The following CDH22 variants were observed in gnomAD, a reference collection of about 807,000 sequenced individuals.
The protein encoded by CDH22 is cadherin 22.
A neutral mutation model predicts 58.4 loss-of-function variants in CDH22; 30 were observed. The observed-to-expected ratio is 0.51, with a 90% CI of 0.38 to 0.70. The LOEUF is 0.70. CDH22 is among the 30% of genes least tolerant of loss of function. CDH22 has a pLI of 0.00. For missense variants in CDH22, 1,014 were observed against 1,233.9 expected (o/e 0.82, Z 2.67); for synonymous variants, 513 against 558.2 (o/e 0.92, Z 1.14).
chr20:46,180,041 G>A (rs1319602238), intron 10 of CDH22, among the ~76,000 whole-genome samples: 4 of 151,808 alleles, frequency 2.6e-5, no homozygotes, highest in Non-Finnish European at 5.9e-5. Flanking sequence ...ATGGCTCCCC[G>A]CTCCCTGCTC....
intron 1 of CDH22, among the ~76,000 whole-genome samples, chr20:46,270,179 G>A (rs1359030975): frequency 2.0e-5 from 3 of 152,194 alleles, no homozygotes; most frequent in Non-Finnish European, 4.4e-5. Context: ...TAGCCAGCCC[G>A]AGCACCTTGC....
intron 1 of CDH22, among the ~76,000 whole-genome samples, chr20:46,305,421 C>A (rs1463922427): frequency 6.6e-6 from 1 of 152,182 alleles, no homozygotes; most frequent in African/African-American, 2.4e-5. Context: ...TCTCTCTGAG[C>A]CTGACCTGAG....
chr20:46,236,827 G>T (rs1600710682), intron 3 of CDH22, among the ~76,000 whole-genome samples: 1 of 151,660 alleles, frequency 6.6e-6, no homozygotes, highest in Admixed American at 6.6e-5. Flanking sequence ...GAGTAGCTGG[G>T]ACTACAGGTG....
intron 3 of CDH22, among the ~76,000 whole-genome samples, chr20:46,239,636 C>T (rs960525260): frequency 1.3e-5 from 2 of 152,264 alleles, no homozygotes; most frequent in African/African-American, 2.4e-5. Flanking sequence ...AGAGGTACAG[C>T]ATCCAACTTT....
At chr20:46,277,179 C>T (rs1307099119) in intron 1 of CDH22, among the ~76,000 whole-genome samples, 8 of 152,004 alleles carry the variant, frequency 5.3e-5, no homozygotes, top group East Asian at 1.9e-4. Context: ...AGGACAGCCC[C>T]GAGATTTAAG....
chr20:46,245,982 C>T (rs1368230826), intron 2 of CDH22, among the ~76,000 whole-genome samples: 1 of 152,146 alleles, frequency 6.6e-6, no homozygotes, highest in African/African-American at 2.4e-5. Flanking sequence ...TCAAGTGTGG[C>T]CAGCCCTGGA....
At chr20:46,292,816 A>G (rs1279619634) in intron 1 of CDH22, among the ~76,000 whole-genome samples, 1 of 152,028 alleles carries the variant, frequency 6.6e-6, no homozygotes, top group Non-Finnish European at 1.5e-5. Context: ...ACTGAGCCCA[A>G]GTCATTTGCT....
chr20:46,233,981 C>T lies in CDH22; in HGVS notation c.551-6354G>A, dbSNP rs139932956. 3.1e-3 allele frequency among the ~76,000 whole-genome samples: 475 copies of T among 152,360 alleles called. 7 individuals are homozygous for T. The highest frequency in any genetic ancestry group is 0.027 in the Admixed American group (409 of 15,312). On this transcript the variant is annotated intron_variant, in intron 3 of 11. Coordinates refer to ENST00000537909, the MANE Select transcript of CDH22 (RefSeq NM_021248.3). ...GAGCTACACTCTCTCCAGCTACAGA[C>T]GGGACAATTGGAGGCTCCCAGCCTG...
At chr20:46,258,112 C>G (rs1046902114) in intron 1 of CDH22, among the ~76,000 whole-genome samples, 1 of 152,066 alleles carries the variant, frequency 6.6e-6, no homozygotes, top group African/African-American at 2.4e-5. Flanking sequence ...TTTGACTTGA[C>G]CATTGGAGTT....
At chr20:46,176,769 T>C (rs1166143504) in intron 11 of CDH22, among the ~76,000 whole-genome samples, 1 of 152,128 alleles carries the variant, frequency 6.6e-6, no homozygotes, top group African/African-American at 2.4e-5. Context: ...GTGGGAAAGA[T>C]GGATGGATGG....
intron 8 of CDH22, among the ~76,000 whole-genome samples, chr20:46,196,695 G>GC (rs1212010805): frequency 6.6e-6 from 1 of 152,154 alleles, no homozygotes; most frequent in Non-Finnish European, 1.5e-5. Flanking sequence ...ACTTCGCCTT[G>GC]CTGAGTCAGG....
At chr20:46,226,320 C>G (rs1210340432) in intron 4 of CDH22, among the ~76,000 whole-genome samples, 1 of 139,036 alleles carries the variant, frequency 7.2e-6, no homozygotes, top group Non-Finnish European at 1.5e-5. Context: ...GGGTCTTGCT[C>G]TGTTGCTCAG....
rs149170214 is a variant in CDH22, at chr20:46,266,735, C to T, written c.-399-15042G>A. 8.9e-3 allele frequency among the ~76,000 whole-genome samples: 1,349 copies of T among 152,280 alleles called. 8 individuals carry two copies. Among genetic ancestry groups the T allele is most frequent in the Admixed American group, 0.016 (251 of 15,294 alleles). On this transcript the variant is annotated intron_variant, in intron 1 of 11. Transcript: ENST00000537909. ...ACACTGGGTGACCTTGGGCAAGTCC[C>T]TGCCCTGGACTTCTATACAATGGAA...
At chr20:46,180,735 A>C (rs11087000) in intron 10 of CDH22, among the ~76,000 whole-genome samples, 56,664 of 151,622 alleles carry the variant, frequency 0.37, 10,764 homozygotes, top group South Asian at 0.41. Context: ...ACCATCCAAC[A>C]AATCTTTTTT....
intron 8 of CDH22, among the ~76,000 whole-genome samples, chr20:46,194,179 C>T (rs933540166): frequency 6.6e-6 from 1 of 152,184 alleles, no homozygotes; most frequent in Non-Finnish European, 1.5e-5. Context: ...CCCGCCCACC[C>T]GTGAACTCTC....
Position 46,241,326 on chromosome 20 carries a change from G to T in CDH22, c.256-69C>A. The T allele has an allele frequency of 7.6e-7, 1 of 1,308,370 alleles. No homozygotes were observed. 81.0% of individuals were successfully genotyped at this position (1,308,370 alleles called of 1,614,324 possible). On this transcript the variant is annotated intron_variant, in intron 2 of 11. Transcript: ENST00000537909. The surrounding 1 kb of genome is among the most constrained non-coding windows in gnomAD (Gnocchi z 5.2). The stretch of plus-strand genomic sequence containing the variant: ...GCTCCTCTTGGCCTCACTGTCTCAT[G>T]CCATTGGCTGCCTATTCCTAAGCCC...
At chr20:46,253,650 C>G (rs906386346) in intron 1 of CDH22, among the ~76,000 whole-genome samples, 3 of 152,244 alleles carry the variant, frequency 2.0e-5, no homozygotes, top group East Asian at 1.9e-4. Context: ...CTGGGCTGGT[C>G]GTAATGAGAC....
intron 11 of CDH22, among the ~76,000 whole-genome samples, chr20:46,176,948 T>C (rs2085744675): frequency 6.6e-6 from 1 of 152,190 alleles, no homozygotes; most frequent in Non-Finnish European, 1.5e-5. Context: ...GGCAGAACTT[T>C]GTTTGCACTG....
At position 46,251,026 on chromosome 20, in the gene CDH22, G is replaced by A. The variant is rs752051785; in HGVS notation, c.255+14C>T. ...GGTCCTGGGATCTGGAGTTGGAGTG[G>A]GGCCCCACTTTACCTTGCCCACATA... is the stretch of plus-strand genomic sequence containing the variant. On this transcript the variant is annotated intron_variant, in intron 2 of 11. Transcript: ENST00000537909. This position sits in a 1 kb window ranked among gnomAD's most constrained non-coding sequence, Gnocchi z 6.7. 1 of 1,573,700 alleles carries A rather than the reference G, an allele frequency of 6.4e-7. No individual in the cohort carries two copies. The highest frequency in any genetic ancestry group is 2.3e-5 in the East Asian group (1 of 43,368).
Sources: allele counts gnomAD v4.1 joint callset (sites outside exome capture counted in the v4.1 genomes callset), GRCh38; gene constraint gnomAD v4.1.1; non-coding constraint Gnocchi (gnomAD v3.1); transcripts MANE v1.5; gene names NCBI Gene and HGNC (gene_info 2026-07-23, HGNC 2026-07-21).